EYA2: variants seen among roughly 807,000 people sequenced by gnomAD.
EYA2 encodes the protein protein phosphatase EYA2.
In EYA2, 31 loss-of-function variants were observed where a neutral mutation model predicts 69.2. That is an observed-to-expected ratio of 0.45 (90% confidence interval 0.34 to 0.60). EYA2 has a LOEUF of 0.60. Among genes scored for constraint, EYA2 ranks in the 20% least tolerant of loss-of-function variants. The pLI is 0.02. For missense variants in EYA2, 622 were observed against 701.2 expected (o/e 0.89, Z 1.28); for synonymous variants, 257 against 279.4 (o/e 0.92, Z 0.80).
At chr20:47,162,697 T>C (rs1396052491) in intron 10 of EYA2, among the ~76,000 whole-genome samples, 1 of 151,988 alleles carries the variant, frequency 6.6e-6, no homozygotes, top group Non-Finnish European at 1.5e-5. Flanking sequence ...TTTTGTATTT[T>C]TGGTAGAAAC....
chr20:47,119,516 T>A (rs2032991424), intron 9 of EYA2, among the ~76,000 whole-genome samples: 1 of 152,238 alleles, frequency 6.6e-6, no homozygotes, highest in South Asian at 2.1e-4. Flanking sequence ...GGGGTACTGA[T>A]ACATGCTACA....
At chr20:47,090,898 A>G (rs1382620456) in intron 8 of EYA2, among the ~76,000 whole-genome samples, 1 of 152,094 alleles carries the variant, frequency 6.6e-6, no homozygotes, top group Non-Finnish European at 1.5e-5. Flanking sequence ...GAAGTAAGCT[A>G]CTGTTGTCTT....
At chr20:46,958,276 C>G (rs918596955) in intron 1 of EYA2, among the ~76,000 whole-genome samples, 2 of 152,216 alleles carry the variant, frequency 1.3e-5, no homozygotes, top group African/African-American at 2.4e-5. Flanking sequence ...GCATTCCCCA[C>G]AGGCTCTCCT....
chr20:47,020,757 T>C (rs1472785380), intron 5 of EYA2, among the ~76,000 whole-genome samples: 5 of 152,170 alleles, frequency 3.3e-5, no homozygotes. Context: ...TCCTCACCTG[T>C]GAAACTGGTA....
chr20:47,078,331 G>A (rs1206821), intron 7 of EYA2, among the ~76,000 whole-genome samples: 70,289 of 122,956 alleles, frequency 0.57, 17,116 homozygotes, highest in African/African-American at 0.66. Flanking sequence ...GCGCGCGCGC[G>A]CACACACACA....
At chr20:47,066,176 C>CA (rs1168105707) in intron 5 of EYA2, among the ~76,000 whole-genome samples, 12 of 152,018 alleles carry the variant, frequency 7.9e-5, no homozygotes, top group Admixed American at 7.2e-4. Context: ...TCCATCTCTA[C>CA]AAAAAATTAG....
rs1421463065 is a variant in EYA2, at chr20:47,156,089, T to TACATAC, written c.978+12944_978+12945insTACACA. ...ACACACACACACACATATATATACA[T>TACATAC]ACACACACACACACACACACACACA... On this transcript the variant is annotated intron_variant, in intron 10 of 15. Transcript: ENST00000327619. Among the ~76,000 whole-genome samples the TACATAC allele has an allele frequency of 9.7e-5, 3 of 30,976 alleles. 1 individual carries two copies. Among genetic ancestry groups the TACATAC allele is most frequent in the Non-Finnish European group, 1.9e-4 (3 of 15,654 alleles). 20.3% of individuals were successfully genotyped at this position (30,976 alleles called of 152,430 possible). A position where few individuals can be genotyped will look rare whatever the true frequency, so the allele number is the denominator to read the frequency against.
At chr20:47,023,080 C>T (rs1445814845) in intron 5 of EYA2, among the ~76,000 whole-genome samples, 1 of 151,966 alleles carries the variant, frequency 6.6e-6, no homozygotes, top group South Asian at 2.1e-4. Context: ...AAACAGGTTA[C>T]ACATTTACCT....
intron 5 of EYA2, among the ~76,000 whole-genome samples, chr20:47,044,613 G>A (rs112777291): frequency 7.0e-4 from 106 of 152,294 alleles, no homozygotes; most frequent in South Asian, 5.6e-3. Flanking sequence ...TTCATTCAGC[G>A]ATCACATTTT....
intron 1 of EYA2, among the ~76,000 whole-genome samples, chr20:46,965,038 G>C (rs1013622237): frequency 6.6e-6 from 1 of 152,176 alleles, no homozygotes; most frequent in Admixed American, 6.5e-5. Flanking sequence ...TCAAATTCAC[G>C]TAACTTGTGA....
chr20:46,923,685 G>T (rs566046917), intron 1 of EYA2, among the ~76,000 whole-genome samples: 2 of 152,088 alleles, frequency 1.3e-5, no homozygotes, highest in African/African-American at 4.8e-5. Context: ...AATAATACAC[G>T]TGTGCTGGGT....
intron 1 of EYA2, among the ~76,000 whole-genome samples, chr20:46,903,921 C>G (rs753468727): frequency 9.2e-5 from 14 of 152,216 alleles, no homozygotes; most frequent in Admixed American, 2.0e-4. Context: ...AGCTTTGCTA[C>G]ACTGCCTGCC....
chr20:46,954,589 A>G (rs1979004329), intron 1 of EYA2, among the ~76,000 whole-genome samples: 1 of 152,210 alleles, frequency 6.6e-6, no homozygotes, highest in African/African-American at 2.4e-5. Context: ...TCTCTCCACA[A>G]ATACCATGCC....
intron 12 of EYA2, among the ~76,000 whole-genome samples, chr20:47,178,203 C>G (rs2034459311): frequency 6.6e-6 from 1 of 152,050 alleles, no homozygotes; most frequent in Admixed American, 6.6e-5. Context: ...TGGCAGGCAT[C>G]TGTAGTTCCA....
intron 10 of EYA2, among the ~76,000 whole-genome samples, chr20:47,164,329 CCCCCAACAAT>C (rs1297332899): frequency 6.6e-6 from 1 of 152,298 alleles, no homozygotes; most frequent in Admixed American, 6.5e-5. Flanking sequence ...CACTTTAGCG[CCCCCAACAAT>C]CCCCTTACAA....
In EYA2 at chr20:46,989,599, G is replaced by A. The variant is rs921297628; in HGVS notation, c.-10-402G>A. 5.9e-5 allele frequency among the ~76,000 whole-genome samples: 9 copies of A among 152,272 alleles called. No homozygotes were observed. The South Asian group carries it at 6.2e-4, about 11-fold the overall frequency. On this transcript the variant is annotated intron_variant, in intron 1 of 15. Coordinates refer to ENST00000327619, the MANE Select transcript of EYA2 (RefSeq NM_005244.5). ...CTCTCTTAACCACAGTCAACTCCAC[G>A]TTCTCCCCAAGCCTCTGGCTTTTGG...
intron 5 of EYA2, among the ~76,000 whole-genome samples, chr20:47,064,523 A>G (rs751151595): frequency 6.6e-6 from 1 of 152,192 alleles, no homozygotes; most frequent in Non-Finnish European, 1.5e-5. Context: ...GCTGAGTCAT[A>G]TGGTAGTTTT....
At position 47,054,429 on chromosome 20, in the gene EYA2, C is replaced by G. The variant is rs372825828; in HGVS notation, c.416-17756C>G. On this transcript the variant is annotated intron_variant, in intron 5 of 15. Transcript: ENST00000327619. ...AAAAATATTTGTCGAATTCATGAAT[C>G]CGTCAGTTTCACTGATTCCGTTCAG... 9.2e-5 allele frequency among the ~76,000 whole-genome samples: 14 copies of G among 152,328 alleles called. No individual in the cohort carries two copies. The South Asian group carries it at 2.9e-3, about 32-fold the overall frequency.
At position 46,957,563 on chromosome 20, in the gene EYA2, ACACACACACACACAC is replaced by A. The variant is rs1346112864; in HGVS notation, c.-10-32437_-10-32423del. Reference sequence around the variant, plus strand: ...CACACACACACACACACACACACACACACACACACACACACGAAGACAATGTGAAGACAGGACAGA... The same window carrying A: ...CACACACACACACACACACACACACAGAAGACAATGTGAAGACAGGACAGA... On this transcript the variant is annotated intron_variant, in intron 1 of 15. Transcript: ENST00000327619. Among the ~76,000 whole-genome samples, 120 of 151,098 alleles carry A rather than the reference ACACACACACACACAC, an allele frequency of 7.9e-4. 2 individuals carry two copies. Among genetic ancestry groups the A allele is most frequent in the Admixed American group, 2.2e-3 (33 of 15,200 alleles).
Sources: allele counts gnomAD v4.1 joint callset (sites outside exome capture counted in the v4.1 genomes callset), GRCh38; gene constraint gnomAD v4.1.1; transcripts MANE v1.5; gene names NCBI Gene and HGNC (gene_info 2026-07-23, HGNC 2026-07-21).